The following RNF152 variants were observed in gnomAD, a reference collection of about 807,000 sequenced individuals.
RNF152 encodes E3 ubiquitin-protein ligase RNF152.
A neutral mutation model predicts 12.7 loss-of-function variants in RNF152; 11 were observed. The observed-to-expected ratio is 0.86, with a 90% CI of 0.54 to 1.43. RNF152 has a LOEUF of 1.43. Ranked by LOEUF, RNF152 falls within the 40% of genes most tolerant of loss-of-function variation. The probability of loss-of-function intolerance (pLI) is 0.00; values close to 1 mark genes in which losing one functional copy is unlikely to be tolerated. For synonymous variants in RNF152, 113 were observed against 120.3 expected (o/e 0.94, Z 0.40); for missense variants, 255 against 274.8 (o/e 0.93, Z 0.51).
At chr18:61,874,733 T>G (rs1306389454) in intron 1 of RNF152, among the ~76,000 whole-genome samples, 1 of 152,242 alleles carries the variant, frequency 6.6e-6, no homozygotes, top group African/African-American at 2.4e-5. Flanking sequence ...TTTGTTAATT[T>G]AACTACTTGG....
chr18:61,815,119 C>T lies in RNF152; in HGVS notation c.*733G>A, dbSNP rs1908999709. 1 of 152,524 alleles carries T rather than the reference C, an allele frequency of 6.6e-6. No individual in the cohort carries two copies. Among genetic ancestry groups the T allele is most frequent in the Non-Finnish European group, 1.5e-5 (1 of 68,018 alleles). 9.4% of individuals were successfully genotyped at this position (152,524 alleles called of 1,614,324 possible). On this transcript the variant is annotated 3_prime_UTR_variant, in exon 2 of 2. Coordinates refer to ENST00000312828, the MANE Select transcript of RNF152 (RefSeq NM_173557.3). ...AGATGGCTTGAGGAAAATCGGCATA[C>T]AGGTTTTCCCATGGGATTAGACATT... is the stretch of plus-strand genomic sequence containing the variant.
chr18:61,833,298 T>C (rs1436692011), intron 1 of RNF152, among the ~76,000 whole-genome samples: 1 of 152,140 alleles, frequency 6.6e-6, no homozygotes, highest in Non-Finnish European at 1.5e-5. Context: ...AGAAAATAAT[T>C]CTCTAACTAA....
In RNF152 at chr18:61,819,499, G is replaced by A. The variant is rs548853571; in HGVS notation, c.-135-2901C>T. Among the ~76,000 whole-genome samples, 371 of 152,316 alleles carry A rather than the reference G, an allele frequency of 2.4e-3. 3 individuals are homozygous for A. The highest frequency in any genetic ancestry group is 8.5e-3 in the African/African-American group (354 of 41,554). ...AGCTGAAGTGAATAGTGATGATTAGGACAGAATGATGAGATGTGAGAAGAG... is the reference window on the plus strand; with the variant it reads ...AGCTGAAGTGAATAGTGATGATTAGAACAGAATGATGAGATGTGAGAAGAG... On this transcript the variant is annotated intron_variant, in intron 1 of 1. Coordinates refer to ENST00000312828, the MANE Select transcript of RNF152 (RefSeq NM_173557.3).
At chr18:61,860,970 A>G (rs1168757803) in intron 1 of RNF152, among the ~76,000 whole-genome samples, 1 of 152,272 alleles carries the variant, frequency 6.6e-6, no homozygotes, top group Non-Finnish European at 1.5e-5. Flanking sequence ...AAGGATATAA[A>G]GAAAAATATT....
At chr18:61,876,102 G>T (rs1054869560) in intron 1 of RNF152, among the ~76,000 whole-genome samples, 8 of 152,142 alleles carry the variant, frequency 5.3e-5, no homozygotes. Flanking sequence ...CTGTCTGGAA[G>T]ACAGGAGCCA....
At chr18:61,837,141 G>A (rs909871817) in intron 1 of RNF152, among the ~76,000 whole-genome samples, 1 of 152,184 alleles carries the variant, frequency 6.6e-6, no homozygotes, top group Admixed American at 6.5e-5. Context: ...CTTGCATCCA[G>A]TCAGTCATGA....
intron 1 of RNF152, among the ~76,000 whole-genome samples, chr18:61,831,936 T>C (rs909627365): frequency 1.3e-5 from 2 of 151,994 alleles, no homozygotes; most frequent in African/African-American, 4.8e-5. Context: ...GGGGTGTGGG[T>C]GTGTATAGGG....
rs757183937 is a variant in RNF152, at chr18:61,816,311, G to A, written c.153C>T (p.Cys51=). 1 of 1,614,218 alleles carries A rather than the reference G, an allele frequency of 6.2e-7. No individual in the cohort carries two copies. The highest frequency in any genetic ancestry group is 8.5e-7 in the Non-Finnish European group (1 of 1,180,034). Residue 51 remains cysteine, a synonymous_variant, in exon 2 of 2, where the codon TGC becomes TGT. Coordinates refer to ENST00000312828, the MANE Select transcript of RNF152 (RefSeq NM_173557.3). ...GCTTGGTGACACCGCGGCACCAGGGGCACCGCACATCCTTCTGGCTGGTCC... is the reference window on the plus strand; with the variant it reads ...GCTTGGTGACACCGCGGCACCAGGGACACCGCACATCCTTCTGGCTGGTCC... The part of the protein sequence containing the change: ...QMRTSQKDVR[C]PWCRGVTKLP...
chr18:61,836,618 C>G (rs1910198912), intron 1 of RNF152, among the ~76,000 whole-genome samples: 1 of 152,094 alleles, frequency 6.6e-6, no homozygotes. Context: ...TCCCAGCTTG[C>G]AGAACTATGA....
In RNF152 at chr18:61,884,334, A is replaced by G. The variant is rs1912597847; in HGVS notation, c.-136+8461T>C. 3.3e-5 allele frequency among the ~76,000 whole-genome samples: 5 copies of G among 152,102 alleles called. No homozygotes were observed. In the South Asian group the frequency reaches 1.0e-3, roughly 31 times the overall value. On this transcript the variant is annotated intron_variant, in intron 1 of 1. Coordinates refer to ENST00000312828, the MANE Select transcript of RNF152 (RefSeq NM_173557.3). ...CTTTTTAAAATTCCAGTTCATAATGACTTACCTGAATTAGAGCCATGTAAG... is the reference window on the plus strand; with the variant it reads ...CTTTTTAAAATTCCAGTTCATAATGGCTTACCTGAATTAGAGCCATGTAAG...
intron 1 of RNF152, among the ~76,000 whole-genome samples, chr18:61,839,937 A>G (rs1282123539): frequency 6.6e-6 from 1 of 152,088 alleles, no homozygotes; most frequent in African/African-American, 2.4e-5. Flanking sequence ...CTCAACTTGT[A>G]TTTCCCCATC....
At chr18:61,879,007 A>G (rs142412967) in intron 1 of RNF152, among the ~76,000 whole-genome samples, 61 of 152,364 alleles carry the variant, frequency 4.0e-4, no homozygotes, top group African/African-American at 1.4e-3. Context: ...ACAAATGGAA[A>G]GGAAAGTAAG....
intron 1 of RNF152, among the ~76,000 whole-genome samples, chr18:61,882,007 AAAAGT>A (rs1481781793): frequency 3.9e-5 from 6 of 152,328 alleles, no homozygotes; most frequent in African/African-American, 1.2e-4. Context: ...TGGAAAAAAG[AAAAGT>A]AAACTACAGT....
At chr18:61,866,819 C>T (rs113123737) in intron 1 of RNF152, among the ~76,000 whole-genome samples, 1 of 152,180 alleles carries the variant, frequency 6.6e-6, no homozygotes, top group Non-Finnish European at 1.5e-5. Flanking sequence ...CTGAGCAGCA[C>T]ATGACAAGAC....
At chr18:61,855,614 C>G (rs560075762) in intron 1 of RNF152, among the ~76,000 whole-genome samples, 1 of 152,254 alleles carries the variant, frequency 6.6e-6, no homozygotes, top group Non-Finnish European at 1.5e-5. Context: ...CCTGTGCCAG[C>G]GCCTGGAGCT....
At chr18:61,853,560 G>T (rs926088805) in intron 1 of RNF152, among the ~76,000 whole-genome samples, 3 of 152,060 alleles carry the variant, frequency 2.0e-5, no homozygotes, top group Non-Finnish European at 2.9e-5. Flanking sequence ...CCAAAGTGCC[G>T]GGATTACAGG....
chr18:61,861,350 T>A (rs551829441), intron 1 of RNF152, among the ~76,000 whole-genome samples: 3 of 152,348 alleles, frequency 2.0e-5, no homozygotes, highest in Admixed American at 6.5e-5. Flanking sequence ...ACTTATTGTG[T>A]GTGTTACAAT....
chr18:61,816,037 G>C lies in RNF152; in HGVS notation c.427C>G (p.Gln143Glu). Reference protein sequence around the residue: ...VTIPAEQQPLQGGAPQEAVEE... With the variant: ...VTIPAEQQPLEGGAPQEAVEE... ...ACCGCCTCCTGGGGAGCCCCACCTT[G>C]CAGAGGCTGCTGTTCAGCAGGGATG... The change falls in exon 2 of 2, where the codon CAA becomes GAA. Residue 143 changes from glutamine to glutamate, a missense_variant. By Grantham distance (29) the Gln-to-Glu change is conservative. Coordinates refer to ENST00000312828, the MANE Select transcript of RNF152 (RefSeq NM_173557.3). 2 of 1,614,242 alleles carry C rather than the reference G, an allele frequency of 1.2e-6. No homozygotes were observed. Among genetic ancestry groups the C allele is most frequent in the South Asian group, 2.2e-5 (2 of 91,078 alleles).
At chr18:61,877,149 C>A (rs1160028832) in intron 1 of RNF152, among the ~76,000 whole-genome samples, 1 of 152,252 alleles carries the variant, frequency 6.6e-6, no homozygotes, top group Non-Finnish European at 1.5e-5. Context: ...CTCCCACAAA[C>A]AACTCGGCTG....
Sources: allele counts gnomAD v4.1 joint callset (sites outside exome capture counted in the v4.1 genomes callset), GRCh38; gene constraint gnomAD v4.1.1; transcripts MANE v1.5; gene names NCBI Gene and HGNC (gene_info 2026-07-23, HGNC 2026-07-21).